Variants in SPARC observed in about 807,000 individuals in gnomAD.
SPARC encodes secreted protein acidic and cysteine rich, also known as basement-membrane protein 40.
A neutral mutation model predicts 37.7 loss-of-function variants in SPARC; 23 were observed. That is an observed-to-expected ratio of 0.61 (90% CI 0.44 to 0.87). SPARC has a LOEUF of 0.87. Among genes scored for constraint, SPARC ranks in the 40% least tolerant of loss-of-function variants. SPARC has a pLI of 0.00. For missense variants in SPARC, 312 were observed against 389.0 expected (o/e 0.80, Z 1.66); for synonymous variants, 155 against 150.8 (o/e 1.03, Z -0.20).
At position 151,673,092 on chromosome 5, in the gene SPARC, C is replaced by A. The variant is rs199546830; in HGVS notation, c.208+37G>T. 433 of 1,493,462 alleles carry A rather than the reference C, an allele frequency of 2.9e-4. No individual in the cohort carries two copies. In the African/African-American group the frequency reaches 5.3e-3, roughly 18 times the overall value. 92.5% of individuals were successfully genotyped at this position (1,493,462 alleles called of 1,614,324 possible). A position where few individuals can be genotyped will look rare whatever the true frequency, so the allele number is the denominator to read the frequency against. On this transcript the variant is annotated intron_variant, in intron 4 of 9. Transcript: ENST00000231061. Reference sequence around the variant, plus strand: ...TGCCCCAGGCCCAGGCAGCCAAGGGCAGCTTGGATGTGCCAAGTTACAGGG... The same window carrying A: ...TGCCCCAGGCCCAGGCAGCCAAGGGAAGCTTGGATGTGCCAAGTTACAGGG...
chr5:151,681,479 A>G (rs1387869463), intron 1 of SPARC, among the ~76,000 whole-genome samples: 1 of 152,238 alleles, frequency 6.6e-6, no homozygotes, highest in Non-Finnish European at 1.5e-5. Flanking sequence ...AAGCCAGAAA[A>G]TCCTTTATTT....
chr5:151,667,632 G>T, intron 6 of SPARC, 32 bp from the exon 7 acceptor site: 1 of 1,611,500 alleles, frequency 6.2e-7, no homozygotes, highest in South Asian at 1.1e-5. Flanking sequence ...GGTCAGCACA[G>T]ACCCTGCCTG....
Position 151,666,515 on chromosome 5 carries a change from G to A in SPARC, c.586-6C>T, listed in dbSNP as rs1418074368. On this transcript the variant is annotated splice_polypyrimidine_tract_variant and splice_region_variant and intron_variant, in intron 7 of 9. Coordinates refer to ENST00000231061, the MANE Select transcript of SPARC (RefSeq NM_003118.4). ...TTCTCATGGATCTTCTTCACCTGAG[G>A]GAGTAGAGACTGTGTGTGACAAGAG... The A allele has an allele frequency of 1.2e-6, 2 of 1,613,288 alleles. No homozygotes were observed. Among genetic ancestry groups the A allele is most frequent in the Non-Finnish European group, 8.5e-7 (1 of 1,179,664 alleles).
intron 8 of SPARC, among the ~76,000 whole-genome samples, chr5:151,665,293 A>G (rs570129282): frequency 6.2e-4 from 95 of 152,232 alleles, no homozygotes; most frequent in Admixed American, 1.5e-3. Flanking sequence ...GCTTTGCCTG[A>G]GCTCCAGATG....
intron 6 of SPARC, among the ~76,000 whole-genome samples, chr5:151,667,841 C>T (rs1470592750): frequency 6.6e-6 from 1 of 152,210 alleles, no homozygotes; most frequent in Admixed American, 6.5e-5. Flanking sequence ...CTGCTCTGCT[C>T]AGGGAAATGG....
Position 151,686,903 on chromosome 5 carries a change from C to T in SPARC, c.-52G>A, listed in dbSNP as rs1043868382. ...AGGCAGGCGGCAGGCAGAGCGCGCT[C>T]TCCGGGCAGTCTGAAGGACCGCGGG... is the stretch of plus-strand genomic sequence containing the variant. On this transcript the variant is annotated 5_prime_UTR_variant, in exon 1 of 10. Coordinates refer to ENST00000231061, the MANE Select transcript of SPARC (RefSeq NM_003118.4). The T allele has an allele frequency of 6.5e-6, 1 of 153,170 alleles. No individual in the cohort carries two copies. Among genetic ancestry groups the T allele is most frequent in the Non-Finnish European group, 1.5e-5 (1 of 68,916 alleles). 9.5% of individuals were successfully genotyped at this position (153,170 alleles called of 1,614,324 possible). A position where few individuals can be genotyped will look rare whatever the true frequency, so the allele number is the denominator to read the frequency against.
At chr5:151,674,382 C>A (rs2113102592) in intron 3 of SPARC, among the ~76,000 whole-genome samples, 1 of 152,158 alleles carries the variant, frequency 6.6e-6, no homozygotes, top group Middle Eastern at 3.4e-3. Flanking sequence ...GCTTAAAAAA[C>A]AAAAATTTTA....
At chr5:151,669,370 A>AT (rs1376739491) in intron 6 of SPARC, among the ~76,000 whole-genome samples, 1 of 152,236 alleles carries the variant, frequency 6.6e-6, no homozygotes, top group Non-Finnish European at 1.5e-5. Context: ...ATTCTTCCTC[A>AT]TTAGAGAAAT....
chr5:151,670,391 T>C (rs1184701412), intron 5 of SPARC, among the ~76,000 whole-genome samples: 5 of 152,226 alleles, frequency 3.3e-5, no homozygotes, highest in Admixed American at 6.5e-5. Flanking sequence ...CTTTGGGTGC[T>C]GAGTCTCTAA....
intron 1 of SPARC, among the ~76,000 whole-genome samples, chr5:151,681,082 T>A (rs1760977119): frequency 6.6e-6 from 1 of 152,208 alleles, no homozygotes; most frequent in Non-Finnish European, 1.5e-5. Flanking sequence ...ACTCTCACTA[T>A]TTGGCTTGGA....
At chr5:151,684,071 G>C (rs1294803218) in intron 1 of SPARC, among the ~76,000 whole-genome samples, 1 of 152,074 alleles carries the variant, frequency 6.6e-6, no homozygotes, top group Non-Finnish European at 1.5e-5. Flanking sequence ...TTTCAGCAAG[G>C]AAAGCTGCTC....
Position 151,663,549 on chromosome 5 carries a change from C to T in SPARC, c.*22G>A, listed in dbSNP as rs772643677. The T allele has an allele frequency of 1.9e-5, 31 of 1,610,884 alleles. No homozygotes were observed. Among genetic ancestry groups the T allele is most frequent in the Admixed American group, 8.3e-5 (5 of 59,982 alleles). ...GAAGGGGAGGGTTAAAGAGAGAATC[C>T]GGTACTGTGGAAGGAGTGGATTTAG... is the stretch of plus-strand genomic sequence containing the variant. On this transcript the variant is annotated 3_prime_UTR_variant, in exon 10 of 10. Transcript: ENST00000231061.
At chr5:151,673,889 T>C (rs552052489) in intron 3 of SPARC, among the ~76,000 whole-genome samples, 1 of 152,132 alleles carries the variant, frequency 6.6e-6, no homozygotes, top group African/African-American at 2.4e-5. Context: ...ACTTTCTAAA[T>C]TGACTGAGAT....
intron 1 of SPARC, among the ~76,000 whole-genome samples, chr5:151,678,727 CAG>C (rs369295447): frequency 1.3e-5 from 2 of 152,270 alleles, no homozygotes; most frequent in Admixed American, 6.5e-5. Context: ...GGGAGAAATG[CAG>C]AGAGACTGTT....
At chr5:151,682,321 G>T (rs1205806421) in intron 1 of SPARC, among the ~76,000 whole-genome samples, 2 of 152,182 alleles carry the variant, frequency 1.3e-5, no homozygotes, top group Non-Finnish European at 2.9e-5. Context: ...GCAGAGGCTG[G>T]GGTGGAGCTT....
chr5:151,663,668 C>T, intron 9 of SPARC, 69 bp from the exon 10 acceptor site: 1 of 1,512,050 alleles, frequency 6.6e-7, no homozygotes, highest in South Asian at 1.1e-5. Context: ...CCCAAGGAGT[C>T]AGTGGACTCC....
intron 8 of SPARC, 79 bp from the exon 9 acceptor site, chr5:151,664,314 G>A (rs10056410): frequency 7.5e-7 from 1 of 1,339,910 alleles, no homozygotes; most frequent in African/African-American, 1.4e-5. Flanking sequence ...CGGGGAGTTA[G>A]CCTGCCCCAG....
Position 151,662,371 on chromosome 5 carries a change from CAT to C in SPARC, c.*1198_*1199del, listed in dbSNP as rs1008227173. On this transcript the variant is annotated 3_prime_UTR_variant, in exon 10 of 10. Coordinates refer to ENST00000231061, the MANE Select transcript of SPARC (RefSeq NM_003118.4). The stretch of plus-strand genomic sequence containing the variant: ...GTAGTCATGTGTAGACATGTATGCT[CAT>C]GTGTTTTTGTGTCAGGATAATAAGG... 2 of 152,436 alleles carry C rather than the reference CAT, an allele frequency of 1.3e-5. No individual in the cohort carries two copies. The highest frequency in any genetic ancestry group is 6.5e-5 in the Admixed American group (1 of 15,286). 9.4% of individuals were successfully genotyped at this position (152,436 alleles called of 1,614,324 possible).
At chr5:151,671,522 T>A in intron 5 of SPARC, 51 bp downstream of exon 5, 1 of 1,509,002 alleles carries the variant, frequency 6.6e-7, no homozygotes, top group Non-Finnish European at 8.8e-7. Context: ...AGACATCCTG[T>A]ATTCCGAAGT....
Sources: gnomAD v4.1 joint callset for allele counts (sites outside exome capture counted in the v4.1 genomes callset) on GRCh38, gnomAD v4.1.1 for gene constraint, MANE v1.5 for transcripts, NCBI Gene and HGNC (gene_info 2026-07-23, HGNC 2026-07-21) for gene names.